Variants in ACSL5 observed in about 807,000 individuals in gnomAD.
ACSL5 encodes acyl-CoA synthetase long chain family member 5.
Under a neutral mutation model 84.9 loss-of-function variants are expected in ACSL5, and 50 were observed. The observed-to-expected ratio is 0.59, with a 90% CI of 0.47 to 0.75. ACSL5 has a LOEUF of 0.75. ACSL5 is among the 30% of genes least tolerant of loss of function. The probability of loss-of-function intolerance (pLI) is 0.00; values close to 1 mark genes in which losing one functional copy is unlikely to be tolerated. For synonymous variants in ACSL5, 280 were observed against 300.7 expected (o/e 0.93, Z 0.71); for missense variants, 775 against 830.4 (o/e 0.93, Z 0.82).
At chr10:112,391,042 T>A (rs1363167108) in intron 1 of ACSL5, among the ~76,000 whole-genome samples, 3 of 152,160 alleles carry the variant, frequency 2.0e-5, no homozygotes, top group African/African-American at 7.2e-5. Context: ...CATTTTAAAG[T>A]GGTTAATTCT....
At chr10:112,418,270 C>T (rs1337755745) in intron 14 of ACSL5, among the ~76,000 whole-genome samples, 2 of 152,120 alleles carry the variant, frequency 1.3e-5, no homozygotes, top group Non-Finnish European at 2.9e-5. Flanking sequence ...CCATGGCAGT[C>T]AAAAATTCAT....
In ACSL5 at chr10:112,422,409, C is replaced by A. The variant is rs760929107; in HGVS notation, c.1561C>A (p.Leu521Ile). The A allele has an allele frequency of 6.2e-7, 1 of 1,614,168 alleles. No individual in the cohort carries two copies. Among genetic ancestry groups the A allele is most frequent in the Non-Finnish European group, 8.5e-7 (1 of 1,180,028 alleles). Reference sequence around the variant, plus strand: ...GGAAGCCCTGGACAGTGATGGCTGGCTTCACACAGGAGACATTGGTCGCTG... The same window carrying A: ...GGAAGCCCTGGACAGTGATGGCTGGATTCACACAGGAGACATTGGTCGCTG... ...TQEALDSDGW[L>I]HTGDIGRWLP... The change falls in exon 17 of 21, where the codon CTT becomes ATT. Residue 521 changes from leucine to isoleucine, a missense_variant. Physicochemically the swap from Leu to Ile is conservative, Grantham distance 5. Transcript: ENST00000354655.
At chr10:112,376,141 G>C in intron 1 of ACSL5, 1 of 917,616 alleles carries the variant, frequency 1.1e-6, no homozygotes, top group Non-Finnish European at 1.6e-6. Flanking sequence ...GGGTAGCTTT[G>C]GCAGCTTCTC....
intron 2 of ACSL5, among the ~76,000 whole-genome samples, chr10:112,397,111 G>A (rs1202108721): frequency 6.6e-6 from 1 of 151,798 alleles, no homozygotes; most frequent in Non-Finnish European, 1.5e-5. Flanking sequence ...CCATCCCAGG[G>A]CCCTGATCCT....
Position 112,420,573 on chromosome 10 carries a change from A to T in ACSL5, c.1315-1020A>T, listed in dbSNP as rs563642766. Among the ~76,000 whole-genome samples the T allele has an allele frequency of 3.8e-4, 58 of 152,262 alleles. No homozygotes were observed. The South Asian group carries it at 0.012, about 31-fold the overall frequency. ...TATCATAGTGGGGGCTATTTCCCTTAAAAAATACTACTCCCCTTCTTCAGT... is the reference window on the plus strand; with the variant it reads ...TATCATAGTGGGGGCTATTTCCCTTTAAAAATACTACTCCCCTTCTTCAGT... On this transcript the variant is annotated intron_variant, in intron 14 of 20. Coordinates refer to ENST00000354655, the MANE Select transcript of ACSL5 (RefSeq NM_203379.2).
chr10:112,375,055 A>G (rs921858432), intron 1 of ACSL5, among the ~76,000 whole-genome samples: 1 of 144,022 alleles, frequency 6.9e-6, no homozygotes, highest in African/African-American at 2.7e-5. Flanking sequence ...AGGTCAATAA[A>G]AAAAAAAGAA....
At chr10:112,415,573 C>T (rs1456638835) in intron 12 of ACSL5, among the ~76,000 whole-genome samples, 2 of 152,154 alleles carry the variant, frequency 1.3e-5, no homozygotes, top group Admixed American at 6.5e-5. Context: ...CTAAGAATGG[C>T]ATGATGCAGG....
chr10:112,384,633 A>G (rs971314132), intron 1 of ACSL5, among the ~76,000 whole-genome samples: 2 of 152,150 alleles, frequency 1.3e-5, no homozygotes, highest in East Asian at 3.9e-4. Context: ...TCAGGCTCCC[A>G]GGTAGTGGGG....
chr10:112,394,786 T>G (rs1843708895), intron 1 of ACSL5, 132 bp from the exon 2 acceptor site: 2 of 1,492,666 alleles, frequency 1.3e-6, no homozygotes, highest in Non-Finnish European at 1.8e-6. Flanking sequence ...ACAACTGTGT[T>G]TGAGGGTTTG....
Position 112,417,867 on chromosome 10 carries a change from C to T in ACSL5, c.1240C>T (p.Arg414Cys), listed in dbSNP as rs767315343. The T allele has an allele frequency of 1.7e-5, 27 of 1,613,822 alleles. No individual in the cohort carries two copies. Among genetic ancestry groups the T allele is most frequent in the Non-Finnish European group, 2.1e-5 (25 of 1,179,930 alleles). Residue 414 changes from arginine to cysteine, a missense_variant, in exon 14 of 21, where the codon CGT becomes TGT. Coordinates refer to ENST00000354655, the MANE Select transcript of ACSL5 (RefSeq NM_203379.2). ...KIQDSLGGRV[R>C]VIVTGAAPMS... ...ACAGGACAGCCTGGGCGGAAGGGTTCGTGTAATTGTCACTGGAGCTGCCCC... is the reference window on the plus strand; with the variant it reads ...ACAGGACAGCCTGGGCGGAAGGGTTTGTGTAATTGTCACTGGAGCTGCCCC...
At chr10:112,383,124 AAAC>A (rs1440360029) in intron 1 of ACSL5, among the ~76,000 whole-genome samples, 4 of 152,148 alleles carry the variant, frequency 2.6e-5, no homozygotes, top group African/African-American at 7.2e-5. Context: ...TAAAAACAAA[AAAC>A]AAAAAACAAA....
In ACSL5 at chr10:112,427,452, ATT is replaced by A; in HGVS notation, c.*102_*103del. 3.3e-6 allele frequency: 4 copies of A among 1,225,022 alleles called. No individual in the cohort carries two copies. The highest frequency in any genetic ancestry group is 4.4e-6 in the Non-Finnish European group (4 of 911,886). 75.9% of individuals were successfully genotyped at this position (1,225,022 alleles called of 1,614,324 possible). On this transcript the variant is annotated 3_prime_UTR_variant, in exon 21 of 21. Coordinates refer to ENST00000354655, the MANE Select transcript of ACSL5 (RefSeq NM_203379.2). Reference sequence around the variant, plus strand: ...TTACATTTGTTTTGCCTTTCCTCCTATTTTTTTTTAACCTGTTAAACTCTAAA... The same window carrying A: ...TTACATTTGTTTTGCCTTTCCTCCTATTTTTTTAACCTGTTAAACTCTAAA...
intron 2 of ACSL5, 63 bp downstream of exon 2, chr10:112,395,165 C>T (rs1843720648): frequency 6.6e-7 from 1 of 1,509,614 alleles, no homozygotes; most frequent in Admixed American, 1.8e-5. Context: ...TAACTCCAAA[C>T]CTAGGGATAG....
At chr10:112,382,655 T>G (rs1433449341) in intron 1 of ACSL5, among the ~76,000 whole-genome samples, 4 of 152,184 alleles carry the variant, frequency 2.6e-5, no homozygotes, top group Non-Finnish European at 5.9e-5. Flanking sequence ...CCAGTGGAGC[T>G]GCATCGAACG....
intron 1 of ACSL5, among the ~76,000 whole-genome samples, chr10:112,389,744 A>C (rs1849520610): frequency 1.3e-5 from 2 of 152,170 alleles, no homozygotes; most frequent in South Asian, 4.1e-4. Context: ...TGGAAGTGTT[A>C]ACAGATTCTA....
At chr10:112,391,389 A>G (rs939443049) in intron 1 of ACSL5, among the ~76,000 whole-genome samples, 2 of 151,036 alleles carry the variant, frequency 1.3e-5, no homozygotes, top group Non-Finnish European at 3.0e-5. Flanking sequence ...AAAATTGAGG[A>G]AGGAACCATG....
chr10:112,392,935 C>T (rs1019432906), intron 1 of ACSL5, among the ~76,000 whole-genome samples: 1 of 151,400 alleles, frequency 6.6e-6, no homozygotes, highest in Non-Finnish European at 1.5e-5. Context: ...ATATATATAT[C>T]CAGTCTTGTC....
intron 1 of ACSL5, among the ~76,000 whole-genome samples, chr10:112,379,478 C>T (rs568687565): frequency 1.3e-5 from 2 of 151,016 alleles, no homozygotes; most frequent in Non-Finnish European, 2.9e-5. Flanking sequence ...GGGCAGTAAT[C>T]GTTCAAGACC....
chr10:112,420,513 G>A (rs1000182437), intron 14 of ACSL5, among the ~76,000 whole-genome samples: 1 of 152,088 alleles, frequency 6.6e-6, no homozygotes. Flanking sequence ...TACTATCTTG[G>A]CCTGTACAGA....
Sources: gnomAD v4.1 joint callset for allele counts (sites outside exome capture counted in the v4.1 genomes callset) on GRCh38, gnomAD v4.1.1 for gene constraint, MANE v1.5 for transcripts, NCBI Gene and HGNC (gene_info 2026-07-23, HGNC 2026-07-21) for gene names.